SPATA16: variants seen among roughly 807,000 people sequenced by gnomAD.
The protein encoded by SPATA16 is spermatogenesis associated 16.
SPATA16 carries 36 observed loss-of-function variants against 63.3 expected under a neutral mutation model. That is an observed-to-expected ratio of 0.57 (90% CI 0.44 to 0.75). The LOEUF (loss-of-function observed/expected upper bound fraction) is 0.75, where lower values mean the gene tolerates loss of function less well. Ranked by LOEUF, SPATA16 falls within the 30% of genes least tolerant of loss-of-function variation. SPATA16 has a pLI of 0.00. For missense variants in SPATA16, 646 were observed against 679.3 expected (o/e 0.95, Z 0.54); for synonymous variants, 203 against 216.7 (o/e 0.94, Z 0.56).
chr3:172,957,418 T>C (rs1424921043), intron 5 of SPATA16, among the ~76,000 whole-genome samples: 1 of 152,210 alleles, frequency 6.6e-6, no homozygotes, highest in Non-Finnish European at 1.5e-5. Context: ...TTTCTTTACA[T>C]TATTTTTGCT....
At chr3:172,973,606 A>G (rs1412185811) in intron 5 of SPATA16, among the ~76,000 whole-genome samples, 1 of 152,166 alleles carries the variant, frequency 6.6e-6, no homozygotes, top group Non-Finnish European at 1.5e-5. Flanking sequence ...ACAGGACAGG[A>G]GAGTGGAAGA....
intron 2 of SPATA16, among the ~76,000 whole-genome samples, chr3:173,050,422 T>C (rs1736060479): frequency 6.6e-6 from 1 of 152,122 alleles, no homozygotes; most frequent in Non-Finnish European, 1.5e-5. Flanking sequence ...TGTTACTTTC[T>C]TCATTTAGTA....
At chr3:173,037,626 C>T (rs943345626) in intron 3 of SPATA16, among the ~76,000 whole-genome samples, 2 of 152,002 alleles carry the variant, frequency 1.3e-5, no homozygotes, top group African/African-American at 4.8e-5. Context: ...GCATTTTCCC[C>T]AGTGAGGAAG....
chr3:173,053,973 A>G (rs549885259), intron 2 of SPATA16, among the ~76,000 whole-genome samples: 89 of 152,264 alleles, frequency 5.8e-4, no homozygotes, highest in African/African-American at 2.0e-3. Context: ...TTTTTGTATC[A>G]TAATAGAAGA....
At chr3:173,013,322 T>C (rs1735112608) in intron 4 of SPATA16, among the ~76,000 whole-genome samples, 1 of 152,220 alleles carries the variant, frequency 6.6e-6, no homozygotes, top group South Asian at 2.1e-4. Context: ...TTGGTGGGAA[T>C]GTAAATTAGT....
chr3:173,113,444 A>G (rs1390608780), intron 2 of SPATA16, among the ~76,000 whole-genome samples: 3 of 152,220 alleles, frequency 2.0e-5, no homozygotes, highest in Admixed American at 6.5e-5. Context: ...ACCTTTATAC[A>G]GTAAAAAGAA....
At chr3:173,019,110 A>G (rs1487092581) in intron 4 of SPATA16, among the ~76,000 whole-genome samples, 1 of 152,148 alleles carries the variant, frequency 6.6e-6, no homozygotes, top group Non-Finnish European at 1.5e-5. Context: ...GGTTTCTAGG[A>G]TCTTTTTCAC....
At chr3:172,967,379 A>G (rs1733940226) in intron 5 of SPATA16, among the ~76,000 whole-genome samples, 1 of 152,242 alleles carries the variant, frequency 6.6e-6, no homozygotes, top group Admixed American at 6.5e-5. Flanking sequence ...ATATTTTGAA[A>G]AAATAGACAT....
At chr3:173,080,917 G>C (rs934271994) in intron 2 of SPATA16, among the ~76,000 whole-genome samples, 10 of 152,236 alleles carry the variant, frequency 6.6e-5, no homozygotes, top group Middle Eastern at 6.8e-3. Flanking sequence ...TGATATACAG[G>C]CTTGGAAAGA....
intron 2 of SPATA16, among the ~76,000 whole-genome samples, chr3:173,068,815 G>GGAA (rs1477119238): frequency 1.0e-5 from 1 of 95,886 alleles, no homozygotes; most frequent in Non-Finnish European, 2.0e-5. Context: ...CCCCAAATTA[G>GGAA]TAAAAAAAAA....
intron 1 of SPATA16, among the ~76,000 whole-genome samples, chr3:173,140,608 G>A (rs1469767256): frequency 6.6e-6 from 1 of 152,148 alleles, no homozygotes; most frequent in Non-Finnish European, 1.5e-5. Flanking sequence ...GACGTTCAAT[G>A]TCTTCAATCC....
intron 2 of SPATA16, among the ~76,000 whole-genome samples, chr3:173,092,412 C>G (rs1737247469): frequency 6.6e-6 from 1 of 152,158 alleles, no homozygotes; most frequent in Admixed American, 6.6e-5. Flanking sequence ...CGTTATGCAA[C>G]ATGGCAAAGG....
At chr3:173,025,951 T>G (rs1047342899) in intron 3 of SPATA16, among the ~76,000 whole-genome samples, 1 of 152,012 alleles carries the variant, frequency 6.6e-6, no homozygotes. Context: ...GTGAGAATAC[T>G]GGGTCCTATT....
In SPATA16 at chr3:173,117,289, C is replaced by G. The variant is rs1479524375; in HGVS notation, c.443G>C (p.Ser148Thr). 6.2e-7 allele frequency: 1 copy of G among 1,614,178 alleles called. No homozygotes were observed. Among genetic ancestry groups the G allele is most frequent in the Admixed American group, 1.7e-5 (1 of 60,028 alleles). Residue 148 changes from serine (S) to threonine (T), a missense_variant, in exon 2 of 11, where the codon AGT (serine) becomes ACT (threonine). Coordinates refer to ENST00000351008, the MANE Select transcript of SPATA16 (RefSeq NM_031955.6). ...TTCAGCAGCTTGGCATGTTGGCTGACTCCCAGTAGACATGAAGGACTCTAC... is the reference window on the plus strand; with the variant it reads ...TTCAGCAGCTTGGCATGTTGGCTGAGTCCCAGTAGACATGAAGGACTCTAC... ...EFVESFMSTGSQPTCQAAEIV... is the reference protein window; with the variant it reads ...EFVESFMSTGTQPTCQAAEIV...
chr3:173,003,587 A>C (rs775215532), intron 4 of SPATA16, among the ~76,000 whole-genome samples: 16 of 152,242 alleles, frequency 1.1e-4, no homozygotes, highest in Non-Finnish European at 2.1e-4. Flanking sequence ...AAACAAAGAT[A>C]ATACACAGCA....
intron 6 of SPATA16, among the ~76,000 whole-genome samples, chr3:172,936,891 A>G (rs963987121): frequency 1.3e-5 from 2 of 151,864 alleles, no homozygotes; most frequent in African/African-American, 4.8e-5. Context: ...TTGTATTTTT[A>G]GTAGAGATAG....
chr3:172,944,175 ACAACT>A (rs1215229858), intron 6 of SPATA16, among the ~76,000 whole-genome samples: 1 of 152,238 alleles, frequency 6.6e-6, no homozygotes, highest in Non-Finnish European at 1.5e-5. Flanking sequence ...GCAACAAAAA[ACAACT>A]CAATTAAAAA....
At chr3:173,110,017 A>G (rs557345145) in intron 2 of SPATA16, among the ~76,000 whole-genome samples, 2 of 130,812 alleles carry the variant, frequency 1.5e-5, no homozygotes, top group Admixed American at 7.3e-5. Flanking sequence ...AAATGTATGT[A>G]ATAATACTTT....
chr3:172,932,580 A>G (rs1382381118), intron 6 of SPATA16, among the ~76,000 whole-genome samples: 1 of 152,090 alleles, frequency 6.6e-6, no homozygotes, highest in East Asian at 1.9e-4. Context: ...ACTCTTTTTA[A>G]TGCTAATACT....
Sources: allele counts gnomAD v4.1 joint callset (sites outside exome capture counted in the v4.1 genomes callset), GRCh38; gene constraint gnomAD v4.1.1; transcripts MANE v1.5; gene names NCBI Gene and HGNC (gene_info 2026-07-23, HGNC 2026-07-21).